Variants in GRIK2 observed in about 807,000 individuals in gnomAD.
The protein encoded by GRIK2 is glutamate receptor ionotropic, kainate 2.
Under a neutral mutation model 100.3 loss-of-function variants are expected in GRIK2, and 32 were observed. The ratio of observed to expected loss-of-function variants is 0.32; its 90% confidence interval spans 0.24 to 0.43. GRIK2 has a LOEUF of 0.43. GRIK2 is among the 20% of genes least tolerant of loss of function. The pLI is 1.00. For synonymous variants in GRIK2, 417 were observed against 389.4 expected (o/e 1.07, Z -0.83); for missense variants, 843 against 1,114.9 (o/e 0.76, Z 3.47).
intron 7 of GRIK2, among the ~76,000 whole-genome samples, chr6:101,746,897 T>G (rs539057213): frequency 1.3e-5 from 2 of 152,332 alleles, no homozygotes; most frequent in South Asian, 4.1e-4. Context: ...TGTAATATGG[T>G]TGTGTTCTCC....
At chr6:101,489,422 C>T (rs1284232638) in intron 2 of GRIK2, among the ~76,000 whole-genome samples, 6 of 145,910 alleles carry the variant, frequency 4.1e-5, no homozygotes, top group African/African-American at 1.6e-4. Flanking sequence ...CCCATATAGG[C>T]ACTTTTATCC....
intron 14 of GRIK2, among the ~76,000 whole-genome samples, chr6:102,004,823 T>G (rs1478035470): frequency 6.6e-6 from 1 of 151,970 alleles, no homozygotes; most frequent in Non-Finnish European, 1.5e-5. Context: ...TATATTGTTA[T>G]AGTTAAACTG....
intron 2 of GRIK2, among the ~76,000 whole-genome samples, chr6:101,447,454 T>C (rs1770441803): frequency 6.6e-6 from 1 of 151,748 alleles, no homozygotes; most frequent in Non-Finnish European, 1.5e-5. Context: ...AACAGTTCTC[T>C]CAGGAATTTT....
intron 2 of GRIK2, among the ~76,000 whole-genome samples, chr6:101,413,994 C>T (rs1775997579): frequency 6.6e-6 from 1 of 152,154 alleles, no homozygotes; most frequent in South Asian, 2.1e-4. Context: ...ATGTGCCAGA[C>T]ACTTGACTGA....
intron 7 of GRIK2, among the ~76,000 whole-genome samples, chr6:101,762,115 TCCTCCCTTCCTTTCCTTCCTC>T (rs1562366309): frequency 7.7e-6 from 1 of 130,244 alleles, no homozygotes; most frequent in East Asian, 2.3e-4. Flanking sequence ...TTTCCTTCCT[TCCTCCCTTCCTTTCCTTCCTC>T]CCTCCCTTCC....
chr6:101,448,830 T>C (rs1162917799), intron 2 of GRIK2, among the ~76,000 whole-genome samples: 3 of 151,656 alleles, frequency 2.0e-5, no homozygotes, highest in Non-Finnish European at 3.0e-5. Context: ...GGTAGAAGCA[T>C]ATGGCTAGAA....
At chr6:101,574,467 C>A (rs1482087536) in intron 2 of GRIK2, among the ~76,000 whole-genome samples, 1 of 150,154 alleles carries the variant, frequency 6.7e-6, no homozygotes, top group Non-Finnish European at 1.5e-5. Context: ...AGATTTTAAC[C>A]CTTTTTTTTA....
chr6:101,658,738 T>A (rs1188312188), intron 4 of GRIK2, among the ~76,000 whole-genome samples: 1 of 152,240 alleles, frequency 6.6e-6, no homozygotes, highest in Non-Finnish European at 1.5e-5. Flanking sequence ...TGAGATGGTA[T>A]CTCACTGTGG....
chr6:101,525,101 T>C (rs945992297), intron 2 of GRIK2, among the ~76,000 whole-genome samples: 1 of 152,196 alleles, frequency 6.6e-6, no homozygotes, highest in Non-Finnish European at 1.5e-5. Context: ...TTTTTGTCTA[T>C]ATGATACCAA....
At chr6:102,022,838 TTTTC>T (rs1195181893) in intron 14 of GRIK2, among the ~76,000 whole-genome samples, 1 of 151,682 alleles carries the variant, frequency 6.6e-6, no homozygotes, top group Non-Finnish European at 1.5e-5. Flanking sequence ...TCAGTTATTA[TTTTC>T]TTTTTTAATC....
chr6:101,634,741 T>C (rs1320945123), intron 4 of GRIK2, among the ~76,000 whole-genome samples: 1 of 151,780 alleles, frequency 6.6e-6, no homozygotes, highest in Non-Finnish European at 1.5e-5. Flanking sequence ...TTTTTAGAAA[T>C]AGTAATATTT....
chr6:101,549,323 G>A (rs1776399547), intron 2 of GRIK2, among the ~76,000 whole-genome samples: 1 of 151,820 alleles, frequency 6.6e-6, no homozygotes, highest in African/African-American at 2.4e-5. Flanking sequence ...GGTAGATGGG[G>A]CCAGCCTGGT....
At chr6:101,913,259 C>A (rs1788875417) in intron 12 of GRIK2, among the ~76,000 whole-genome samples, 1 of 151,464 alleles carries the variant, frequency 6.6e-6, no homozygotes, top group Admixed American at 6.6e-5. Context: ...TCTATAATAC[C>A]TCTATTATGC....
At chr6:101,702,991 T>C (rs1773002763) in intron 7 of GRIK2, among the ~76,000 whole-genome samples, 2 of 152,024 alleles carry the variant, frequency 1.3e-5, no homozygotes, top group South Asian at 4.1e-4. Flanking sequence ...CTATTAGATA[T>C]CCAAGCAGGA....
intron 7 of GRIK2, among the ~76,000 whole-genome samples, chr6:101,702,092 A>G (rs904110044): frequency 6.1e-5 from 7 of 114,578 alleles, no homozygotes; most frequent in Non-Finnish European, 9.5e-5. Flanking sequence ...TTCTTGTTGT[A>G]CCTACTAATT....
intron 7 of GRIK2, among the ~76,000 whole-genome samples, chr6:101,788,566 T>G (rs1277310080): frequency 3.9e-5 from 6 of 152,226 alleles, no homozygotes; most frequent in African/African-American, 1.4e-4. Context: ...CTGCATAGTA[T>G]TCCATGGTGT....
intron 2 of GRIK2, among the ~76,000 whole-genome samples, chr6:101,547,359 T>A (rs1269448130): frequency 6.6e-6 from 1 of 152,214 alleles, no homozygotes; most frequent in Non-Finnish European, 1.5e-5. Context: ...AGGGTACATA[T>A]GCACAACGTG....
chr6:101,701,487 G>A (rs555873424), intron 7 of GRIK2, among the ~76,000 whole-genome samples: 16 of 152,030 alleles, frequency 1.1e-4, no homozygotes, highest in Admixed American at 1.3e-4. Context: ...GATTTCATTC[G>A]CAGCCTTCAA....
intron 2 of GRIK2, among the ~76,000 whole-genome samples, chr6:101,455,829 G>A (rs79440106): frequency 6.6e-6 from 1 of 152,096 alleles, no homozygotes; most frequent in African/African-American, 2.4e-5. Context: ...GACTCAATGA[G>A]ATAACTTGTT....
Sources: allele counts gnomAD v4.1 joint callset (sites outside exome capture counted in the v4.1 genomes callset), GRCh38; gene constraint gnomAD v4.1.1; transcripts MANE v1.5; gene names NCBI Gene and HGNC (gene_info 2026-07-23, HGNC 2026-07-21).